The following TSACC variants were observed in gnomAD, a reference collection of about 807,000 sequenced individuals.
TSACC encodes TSSK6 activating cochaperone, also known as TSSK6-activating co-chaperone protein.
In TSACC, 3 loss-of-function variants were observed where a neutral mutation model predicts 6.9. The ratio of observed to expected loss-of-function variants is 0.43; its 90% CI spans 0.20 to 1.12. The LOEUF (loss-of-function observed/expected upper bound fraction) is 1.12. Ranked by LOEUF, TSACC falls within the 50% of genes most tolerant of loss-of-function variation. The probability of loss-of-function intolerance (pLI) is 0.28; values close to 1 mark genes in which losing one functional copy is unlikely to be tolerated. For synonymous variants in TSACC, 54 were observed against 55.1 expected, an observed-to-expected ratio of 0.98 and a Z score of 0.09; for missense variants, 137 against 143.9, an observed-to-expected ratio of 0.95 and a Z score of 0.24.
chr1:156,343,515 C>T (rs1666007507), intron 2 of TSACC, among the ~76,000 whole-genome samples: 2 of 152,126 alleles, frequency 1.3e-5, no homozygotes, highest in Non-Finnish European at 2.9e-5. Flanking sequence ...AATAGGAGAT[C>T]AGAAGAAAGT....
chr1:156,338,423 G>A (rs1046146689), upstream of TSACC: 3 of 578,820 alleles, frequency 5.2e-6, no homozygotes, highest in East Asian at 2.9e-5. Flanking sequence ...TAGACAGAGA[G>A]CGCACGACGA....
chr1:156,344,800 C>T (rs1224264828), intron 3 of TSACC, 92 bp downstream of exon 3: 2 of 1,468,930 alleles, frequency 1.4e-6, no homozygotes, highest in African/African-American at 2.8e-5. Context: ...TGATCAAGAG[C>T]CAAATCTATG....
rs746734571 is a variant in TSACC at position 156,339,779 on chromosome 1, C to T, written c.22C>T (p.Pro8Ser). Residue 8 changes from proline to serine, a missense_variant, in exon 2 of 4, where the codon CCT (proline) becomes TCT (serine). By Grantham distance (74) the Pro-to-Ser change is moderately conservative. Coordinates refer to ENST00000368254, the MANE Select transcript of TSACC (RefSeq NM_001304817.2). Reference protein sequence around the residue: MERHTSHPNRKVPAKEEA... With the variant: MERHTSHSNRKVPAKEEA... ...TCAGATGGAGCGGCACACTAGTCAT[C>T]CTAACAGAAAAGGTGTGTGTTGGAG... The T allele has an allele frequency of 5.0e-6, 8 of 1,614,148 alleles. No homozygotes were observed. The highest frequency in any genetic ancestry group is 6.8e-6 in the Non-Finnish European group (8 of 1,180,016).
upstream of TSACC, chr1:156,337,376 C>A: frequency 1.6e-5 from 3 of 189,794 alleles, no homozygotes; most frequent in South Asian, 6.7e-5. Flanking sequence ...CCACTGCAAC[C>A]CAGCCTGGGT....
upstream of TSACC, chr1:156,338,407 A>C: frequency 1.7e-6 from 1 of 585,990 alleles, no homozygotes. Flanking sequence ...GAACGGCCAG[A>C]CAAGTTAGAC....
chr1:156,339,601 A>G (rs1354587105), intron 1 of TSACC, 33 bp from the exon 2 acceptor site: 6 of 832,830 alleles, frequency 7.2e-6, no homozygotes, highest in South Asian at 3.6e-5. Context: ...CTGTTTGGCC[A>G]TGAAATAGAG....
intron 2 of TSACC, among the ~76,000 whole-genome samples, chr1:156,343,810 G>A (rs1384670300): frequency 2.6e-5 from 4 of 152,012 alleles, no homozygotes; most frequent in African/African-American, 9.6e-5. Flanking sequence ...TTGTGATCTC[G>A]GCTCGCTGCA....
At chr1:156,342,633 C>T (rs889373907) in intron 2 of TSACC, among the ~76,000 whole-genome samples, 1 of 152,234 alleles carries the variant, frequency 6.6e-6, no homozygotes, top group Non-Finnish European at 1.5e-5. Flanking sequence ...GATATTATTT[C>T]CTCAGGACAT....
chr1:156,343,420 C>G (rs1052772024), intron 2 of TSACC, among the ~76,000 whole-genome samples: 1 of 152,172 alleles, frequency 6.6e-6, no homozygotes, highest in Non-Finnish European at 1.5e-5. Flanking sequence ...CTATGCTTTT[C>G]CTTGTCTCTA....
chr1:156,340,312 C>T (rs1456369468), intron 2 of TSACC, among the ~76,000 whole-genome samples: 1 of 152,188 alleles, frequency 6.6e-6, no homozygotes, highest in Non-Finnish European at 1.5e-5. Context: ...GCACCTGCCA[C>T]CATGCCCGGC....
chr1:156,338,800 C>G (rs1052325609), intron 1 of TSACC, 195 bp downstream of exon 1: 1 of 154,300 alleles, frequency 6.5e-6, no homozygotes, highest in East Asian at 1.9e-4. Flanking sequence ...CTTACCGGGC[C>G]GGACTGCGCA....
intron 1 of TSACC, 189 bp downstream of exon 1, chr1:156,338,794 C>G (rs1277108898): frequency 6.5e-6 from 1 of 154,636 alleles, no homozygotes; most frequent in Non-Finnish European, 1.4e-5. Context: ...TGTAGTCTTA[C>G]CGGGCCGGAC....
chr1:156,346,971 T>G lies in TSACC; in HGVS notation c.367T>G (p.Phe123Val). 6.2e-7 allele frequency: 1 copy of G among 1,613,850 alleles called. No individual in the cohort carries two copies. The highest frequency in any genetic ancestry group is 1.1e-5 in the South Asian group (1 of 91,058). The change falls in exon 4 of 4, where the codon TTC becomes GTC. Residue 123 changes from phenylalanine to valine, a missense_variant. Physicochemically the swap from Phe to Val is conservative, Grantham distance 50 (BLOSUM62 -1). Coordinates refer to ENST00000368254, the MANE Select transcript of TSACC (RefSeq NM_001304817.2). ...PNPLLNHLPQ[F>V]SK ...TCCATTGTTAAATCACCTGCCCCAATTCAGTAAATGAATTGTGGAACAAAG... is the reference window on the plus strand; with the variant it reads ...TCCATTGTTAAATCACCTGCCCCAAGTCAGTAAATGAATTGTGGAACAAAG...
At chr1:156,342,428 T>G (rs1321677741) in intron 2 of TSACC, among the ~76,000 whole-genome samples, 1 of 152,226 alleles carries the variant, frequency 6.6e-6, no homozygotes, top group African/African-American at 2.4e-5. Flanking sequence ...CTCAGTGACC[T>G]TCCAGACAGA....
At chr1:156,338,168 G>A (rs769975761), upstream of TSACC, 8 of 1,589,144 alleles carry the variant, frequency 5.0e-6, no homozygotes, top group Non-Finnish European at 6.8e-6. Context: ...CACGAGCACT[G>A]GACGATGGCC....
chr1:156,342,572 A>G (rs1665958086), intron 2 of TSACC, among the ~76,000 whole-genome samples: 1 of 152,172 alleles, frequency 6.6e-6, no homozygotes, highest in East Asian at 1.9e-4. Flanking sequence ...TTCTGCCCCC[A>G]GGCTTGTTTT....
rs765102723 is a variant in TSACC, at chr1:156,346,838, G to C, written c.234G>C (p.Gln78His). 6.2e-7 allele frequency: 1 copy of C among 1,614,154 alleles called. No homozygotes were observed. Among genetic ancestry groups the C allele is most frequent in the Non-Finnish European group, 8.5e-7 (1 of 1,180,028 alleles). Residue 78 changes from glutamine (Q) to histidine (H), a missense_variant, in exon 4 of 4, where the codon CAG becomes CAC. Transcript: ENST00000368254. ...ATGCAAACCTCCAGCTTCAGACCCA[G>C]CTCGCCCAACAACAGATGGCTGTTT... ...CMYANLQLQTQLAQQQMAVLE... is the reference protein window; with the variant it reads ...CMYANLQLQTHLAQQQMAVLE...
In TSACC at chr1:156,340,181, C is replaced by T. The variant is rs139083738; in HGVS notation, c.34+390C>T. 2.1e-3 allele frequency among the ~76,000 whole-genome samples: 318 copies of T among 152,194 alleles called. 2 individuals carry two copies. The highest frequency in any genetic ancestry group is 7.2e-3 in the African/African-American group (301 of 41,530). Reference sequence around the variant, plus strand: ...GGACATAATTTTTTTTTTGTTTAGACGGAGTCTCGCTCTGTCACCCAGGCT... The same window carrying T: ...GGACATAATTTTTTTTTTGTTTAGATGGAGTCTCGCTCTGTCACCCAGGCT... On this transcript the variant is annotated intron_variant, in intron 2 of 3. Transcript: ENST00000368254.
rs554140614 is a variant in TSACC, at chr1:156,344,447, T to C, written c.35-133T>C. On this transcript the variant is annotated intron_variant, in intron 2 of 3. Coordinates refer to ENST00000368254, the MANE Select transcript of TSACC (RefSeq NM_001304817.2). ...TCCTATTATGATTTCTTTTTTGTCT[T>C]ATGTATCTTTCTGATATGTAACATA... is the stretch of plus-strand genomic sequence containing the variant. 76 of 1,313,100 alleles carry C rather than the reference T, an allele frequency of 5.8e-5. No individual in the cohort carries two copies. The South Asian group carries it at 1.1e-3, about 19-fold the overall frequency. The allele number at this position is 1,313,100 out of a possible 1,614,324, so 81.3% of individuals were successfully genotyped here. A position where few individuals can be genotyped will look rare whatever the true frequency, so the allele number is the denominator to read the frequency against.
Sources: allele counts gnomAD v4.1 joint callset (sites outside exome capture counted in the v4.1 genomes callset), GRCh38; gene constraint gnomAD v4.1.1; transcripts MANE v1.5; gene names NCBI Gene and HGNC (gene_info 2026-07-23, HGNC 2026-07-21).